SLC25A13: variants seen among roughly 807,000 people sequenced by gnomAD.
The protein encoded by SLC25A13 is solute carrier family 25 member 13, also known as electrogenic aspartate/glutamate antiporter SLC25A13, mitochondrial.
Under a neutral mutation model 85.5 loss-of-function variants are expected in SLC25A13, and 70 were observed. The ratio of observed to expected loss-of-function variants is 0.82; its 90% CI spans 0.68 to 1.00. SLC25A13 has a LOEUF of 1.00. Among genes scored for constraint, SLC25A13 ranks in the 50% least tolerant of loss-of-function variants. The pLI is 0.00. For missense variants in SLC25A13, 765 were observed against 819.8 expected, an observed-to-expected ratio of 0.93 and a Z score of 0.82; for synonymous variants, 259 against 288.7, an observed-to-expected ratio of 0.90 and a Z score of 1.04.
chr7:96,169,320 A>T (rs1423835341), intron 13 of SLC25A13, among the ~76,000 whole-genome samples: 2 of 152,036 alleles, frequency 1.3e-5, no homozygotes, highest in Admixed American at 6.6e-5. Flanking sequence ...AGGTTCGGAT[A>T]AAAAAAACCA....
At chr7:96,194,631 T>C (rs549238222) in intron 5 of SLC25A13, among the ~76,000 whole-genome samples, 37 of 152,038 alleles carry the variant, frequency 2.4e-4, no homozygotes, top group African/African-American at 8.2e-4. Context: ...CAAACTAAAG[T>C]GTAAGGGAAA....
At chr7:96,204,149 T>G (rs1218743502) in intron 5 of SLC25A13, among the ~76,000 whole-genome samples, 1 of 152,210 alleles carries the variant, frequency 6.6e-6, no homozygotes, top group Non-Finnish European at 1.5e-5. Context: ...AGGTTTATTC[T>G]TTTGCATACA....
At chr7:96,287,055 G>C (rs1798918677) in intron 2 of SLC25A13, among the ~76,000 whole-genome samples, 2 of 152,216 alleles carry the variant, frequency 1.3e-5, no homozygotes, top group South Asian at 4.1e-4. Context: ...CAGAAAATCA[G>C]CAAAGTAGAC....
chr7:96,206,012 A>C (rs1219419884), intron 5 of SLC25A13, among the ~76,000 whole-genome samples: 4 of 152,088 alleles, frequency 2.6e-5, no homozygotes, highest in African/African-American at 4.8e-5. Context: ...ATATACATAC[A>C]TAATAAGCAC....
At chr7:96,305,625 T>C (rs1316754720) in intron 1 of SLC25A13, among the ~76,000 whole-genome samples, 1 of 152,168 alleles carries the variant, frequency 6.6e-6, no homozygotes, top group Non-Finnish European at 1.5e-5. Flanking sequence ...ATGTTCCTGA[T>C]GGGGAACAAA....
chr7:96,301,618 G>A (rs1416064820), intron 1 of SLC25A13, among the ~76,000 whole-genome samples: 1 of 151,444 alleles, frequency 6.6e-6, no homozygotes, highest in Non-Finnish European at 1.5e-5. Flanking sequence ...AAAAAGAGAG[G>A]GTTTTGGTGT....
chr7:96,189,619 G>A lies in SLC25A13; in HGVS notation c.810C>T (p.Asp270=), dbSNP rs766122989. 8.8e-6 allele frequency: 14 copies of A among 1,599,732 alleles called. No individual in the cohort carries two copies. Among genetic ancestry groups the A allele is most frequent in the Non-Finnish European group, 1.2e-5 (14 of 1,172,466 alleles). Residue 270 remains aspartate (D), a synonymous_variant, in exon 8 of 18, where the codon GAC becomes GAT. Coordinates refer to ENST00000265631, the MANE Select transcript of SLC25A13 (RefSeq NM_014251.3). ...ATAAATCTGCTAACTGAAACAAGAT[G>A]TCAACTTCCATGGGTGTAACCTGAC... The part of the protein sequence containing the change: ...KFGQVTPMEV[D]ILFQLADLYE...
intron 10 of SLC25A13, 65 bp downstream of exon 10, chr7:96,184,862 G>A (rs1794564142): frequency 7.6e-7 from 1 of 1,320,236 alleles, no homozygotes; most frequent in South Asian, 1.2e-5. Flanking sequence ...ATTTCAAGAT[G>A]GAAAATCAGA....
intron 11 of SLC25A13, among the ~76,000 whole-genome samples, chr7:96,180,826 C>T (rs955154158): frequency 3.3e-5 from 5 of 152,134 alleles, no homozygotes; most frequent in African/African-American, 1.2e-4. Flanking sequence ...CTTTAATACG[C>T]CAGATCTATA....
chr7:96,252,151 C>T (rs1258720472), intron 3 of SLC25A13, among the ~76,000 whole-genome samples: 1 of 152,148 alleles, frequency 6.6e-6, no homozygotes, highest in African/African-American at 2.4e-5. Flanking sequence ...TCTTGGTCAA[C>T]TTTCCAGCAT....
chr7:96,223,215 A>G (rs1796200703), intron 4 of SLC25A13, among the ~76,000 whole-genome samples: 1 of 152,248 alleles, frequency 6.6e-6, no homozygotes, highest in African/African-American at 2.4e-5. Context: ...ACTGCAGAAC[A>G]TAAACATGCA....
At chr7:96,147,501 TAAGCTAGCTATTTTGA>T in intron 13 of SLC25A13, among the ~76,000 whole-genome samples, 1 of 152,252 alleles carries the variant, frequency 6.6e-6, no homozygotes, top group East Asian at 1.9e-4. Context: ...AGGGAAATTT[TAAGCTAGCTATTTTGA>T]AGCTAAGCCT....
At chr7:96,144,032 A>G (rs1369272315) in intron 14 of SLC25A13, among the ~76,000 whole-genome samples, 4 of 152,210 alleles carry the variant, frequency 2.6e-5, no homozygotes, top group Non-Finnish European at 5.9e-5. Flanking sequence ...GCCAACCAGG[A>G]CTAGAAACAG....
chr7:96,144,838 A>G (rs1282121126), intron 14 of SLC25A13, among the ~76,000 whole-genome samples: 1 of 152,178 alleles, frequency 6.6e-6, no homozygotes, highest in Non-Finnish European at 1.5e-5. Flanking sequence ...TGTATCAGCA[A>G]ACAAGTTCCT....
intron 3 of SLC25A13, among the ~76,000 whole-genome samples, chr7:96,238,501 A>G (rs1345939141): frequency 2.0e-5 from 3 of 152,186 alleles, no homozygotes; most frequent in African/African-American, 7.2e-5. Flanking sequence ...GCAGTTTTTA[A>G]AGAAAGGTTA....
intron 2 of SLC25A13, 54 bp from the exon 3 acceptor site, chr7:96,277,392 T>C: frequency 3.9e-6 from 6 of 1,519,810 alleles, no homozygotes; most frequent in Non-Finnish European, 5.4e-6. Flanking sequence ...CAACAGTATA[T>C]AATCATGAGA....
chr7:96,139,589 C>T (rs916341317), intron 14 of SLC25A13, among the ~76,000 whole-genome samples: 2 of 152,096 alleles, frequency 1.3e-5, no homozygotes, highest in Admixed American at 6.6e-5. Flanking sequence ...GAGTAAGGCA[C>T]AACATTTTTA....
At chr7:96,279,035 A>T (rs1798565359) in intron 2 of SLC25A13, among the ~76,000 whole-genome samples, 1 of 152,174 alleles carries the variant, frequency 6.6e-6, no homozygotes, top group Non-Finnish European at 1.5e-5. Flanking sequence ...TAAGCTTTGA[A>T]TATAACATTT....
intron 3 of SLC25A13, among the ~76,000 whole-genome samples, chr7:96,268,442 T>C (rs1481710640): frequency 6.6e-6 from 1 of 152,182 alleles, no homozygotes; most frequent in African/African-American, 2.4e-5. Flanking sequence ...GAGAAGTCCT[T>C]AGAGTCCCAC....
Sources: allele counts gnomAD v4.1 joint callset (sites outside exome capture counted in the v4.1 genomes callset), GRCh38; gene constraint gnomAD v4.1.1; transcripts MANE v1.5; gene names NCBI Gene and HGNC (gene_info 2026-07-23, HGNC 2026-07-21).